GALNT13: variants seen among roughly 807,000 people sequenced by gnomAD.
The protein encoded by GALNT13 is polypeptide N-acetylgalactosaminyltransferase 13.
In GALNT13, 28 loss-of-function variants were observed where a neutral mutation model predicts 64.2. That is an observed-to-expected ratio of 0.44 (90% CI 0.32 to 0.60). The LOEUF is 0.60. GALNT13 is among the 20% of genes least tolerant of loss of function. GALNT13 has a pLI of 0.05. For missense variants in GALNT13, 577 were observed against 669.8 expected (o/e 0.86, Z 1.53); for synonymous variants, 214 against 224.6 (o/e 0.95, Z 0.42).
the GALNT13 span, among the ~76,000 whole-genome samples, chr2:153,178,349 T>C: frequency 6.6e-6 from 1 of 152,224 alleles, no homozygotes; most frequent in Non-Finnish European, 1.5e-5. Context: ...TTCCCTTTTC[T>C]TCATATCTTA....
the GALNT13 span, among the ~76,000 whole-genome samples, chr2:153,273,973 G>A: frequency 6.6e-6 from 1 of 152,134 alleles, no homozygotes; most frequent in African/African-American, 2.4e-5. Flanking sequence ...AAGCATTCCA[G>A]GGAGACTCCT....
intron 9 of GALNT13, among the ~76,000 whole-genome samples, chr2:154,316,778 C>A (rs1285181039): frequency 6.6e-6 from 1 of 152,168 alleles, no homozygotes; most frequent in Non-Finnish European, 1.5e-5. Flanking sequence ...ATCATAGTTA[C>A]CTCCCAAAGG....
chr2:153,541,227 C>G, the GALNT13 span, among the ~76,000 whole-genome samples: 2 of 152,090 alleles, frequency 1.3e-5, no homozygotes, highest in Admixed American at 1.3e-4. Flanking sequence ...GGGCTTTTCC[C>G]TCCTTTGCTC....
intron 9 of GALNT13, among the ~76,000 whole-genome samples, chr2:154,354,615 C>A (rs1559108687): frequency 9.7e-6 from 1 of 103,592 alleles, no homozygotes; most frequent in African/African-American, 3.3e-5. Flanking sequence ...GGTTCAATCT[C>A]ACTTTTTTTT....
chr2:153,164,000 C>A, the GALNT13 span, among the ~76,000 whole-genome samples: 53 of 144,698 alleles, frequency 3.7e-4, no homozygotes, highest in South Asian at 1.7e-3. Flanking sequence ...CCTGGGCGAC[C>A]GAGCCAGGCT....
At chr2:154,079,899 T>C (rs1701184117) in intron 3 of GALNT13, among the ~76,000 whole-genome samples, 1 of 151,616 alleles carries the variant, frequency 6.6e-6, no homozygotes, top group Non-Finnish European at 1.5e-5. Context: ...GAAGGAATAT[T>C]AAGGAAAATT....
At chr2:153,838,903 C>T in the GALNT13 span, among the ~76,000 whole-genome samples, 1 of 151,800 alleles carries the variant, frequency 6.6e-6, no homozygotes, top group African/African-American at 2.4e-5. Context: ...ATTAATTATT[C>T]TAATCTATTA....
At chr2:154,290,809 C>A (rs944948593) in intron 8 of GALNT13, among the ~76,000 whole-genome samples, 1 of 152,074 alleles carries the variant, frequency 6.6e-6, no homozygotes, top group Non-Finnish European at 1.5e-5. Context: ...AGAGTTTCCT[C>A]CTTCTGGTGC....
At chr2:153,731,609 G>A in the GALNT13 span, among the ~76,000 whole-genome samples, 1 of 152,080 alleles carries the variant, frequency 6.6e-6, no homozygotes, top group East Asian at 1.9e-4. Flanking sequence ...CATGACACAG[G>A]ACTATAAATA....
chr2:154,001,950 T>A (rs955735795), intron 3 of GALNT13, among the ~76,000 whole-genome samples: 3 of 152,084 alleles, frequency 2.0e-5, no homozygotes, highest in African/African-American at 7.2e-5. Flanking sequence ...TTGAAAGGTT[T>A]TTTTGTGTGT....
the GALNT13 span, among the ~76,000 whole-genome samples, chr2:153,647,111 C>A: frequency 6.6e-6 from 1 of 152,152 alleles, no homozygotes; most frequent in African/African-American, 2.4e-5. Flanking sequence ...TTCTCCACAT[C>A]CTCTCCAGCA....
At chr2:153,123,071 A>G in the GALNT13 span, among the ~76,000 whole-genome samples, 2 of 152,238 alleles carry the variant, frequency 1.3e-5, no homozygotes, top group East Asian at 1.9e-4. Flanking sequence ...ACAGGGATCA[A>G]TGCCATACGA....
intron 1 of GALNT13, among the ~76,000 whole-genome samples, chr2:153,879,428 G>A (rs534565507): frequency 2.0e-4 from 31 of 152,080 alleles, no homozygotes; most frequent in African/African-American, 7.0e-4. Flanking sequence ...TGTTACCCAT[G>A]CTGGAGTGCA....
chr2:154,283,513 A>C (rs1344457868), intron 8 of GALNT13, among the ~76,000 whole-genome samples: 1 of 151,700 alleles, frequency 6.6e-6, no homozygotes, highest in Non-Finnish European at 1.5e-5. Context: ...TTTACTATAT[A>C]TAAATTATAC....
chr2:153,949,399 G>A (rs137992859), intron 3 of GALNT13, among the ~76,000 whole-genome samples: 1 of 151,968 alleles, frequency 6.6e-6, no homozygotes, highest in African/African-American at 2.4e-5. Context: ...TCTCAAGCCA[G>A]GCATGGTGGT....
chr2:153,478,505 C>T, the GALNT13 span: 13 of 1,609,946 alleles, frequency 8.1e-6, no homozygotes, highest in Admixed American at 2.2e-4. Context: ...TCCAGCGCCT[C>T]GCTGCTGTTG....
chr2:154,441,627 T>C (rs571427306), intron 12 of GALNT13: 12 of 152,246 alleles, frequency 7.9e-5, no homozygotes, highest in African/African-American at 2.6e-4. Flanking sequence ...AGTACAATTG[T>C]GAATCTCACC....
intron 9 of GALNT13, among the ~76,000 whole-genome samples, chr2:154,333,193 C>A (rs192840741): frequency 6.6e-6 from 1 of 151,896 alleles, no homozygotes; most frequent in African/African-American, 2.4e-5. Context: ...CCTAAGGACA[C>A]CTAGAGGTTA....
At chr2:154,158,076 T>C (rs1301890182) in intron 4 of GALNT13, among the ~76,000 whole-genome samples, 1 of 152,286 alleles carries the variant, frequency 6.6e-6, no homozygotes, top group East Asian at 1.9e-4. Context: ...AGTGTGTCAA[T>C]GTTCAATATC....
Sources: allele counts gnomAD v4.1 joint callset (sites outside exome capture counted in the v4.1 genomes callset), GRCh38; gene constraint gnomAD v4.1.1; transcripts MANE v1.5; gene names NCBI Gene and HGNC (gene_info 2026-07-23, HGNC 2026-07-21).